PAN3: variants seen among roughly 807,000 people sequenced by gnomAD.
PAN3 encodes the protein PAN2-PAN3 deadenylation complex subunit PAN3.
A neutral mutation model predicts 96.2 loss-of-function variants in PAN3; 19 were observed. That is an observed-to-expected ratio of 0.20 (90% CI 0.14 to 0.29). The LOEUF (loss-of-function observed/expected upper bound fraction) is 0.29, where lower values mean the gene tolerates loss of function less well. Ranked by LOEUF, PAN3 falls within the 10% of genes least tolerant of loss-of-function variation. PAN3 has a pLI of 1.00. For missense variants in PAN3, 882 were observed against 1,108.1 expected, an observed-to-expected ratio of 0.80 and a Z score of 2.90; for synonymous variants, 433 against 406.6, an observed-to-expected ratio of 1.06 and a Z score of -0.78.
chr13:28,221,474 T>C (rs1279745630), intron 6 of PAN3, among the ~76,000 whole-genome samples: 1 of 152,146 alleles, frequency 6.6e-6, no homozygotes, highest in Non-Finnish European at 1.5e-5. Context: ...AAATCGTTGA[T>C]TTAAATACTC....
At chr13:28,270,248 A>G (rs1300942809) in intron 12 of PAN3, among the ~76,000 whole-genome samples, 2 of 152,214 alleles carry the variant, frequency 1.3e-5, no homozygotes, top group Non-Finnish European at 2.9e-5. Context: ...AAGGAAAACA[A>G]ACATTCAACA....
At chr13:28,280,265 TAAG>T (rs1216731417) in intron 15 of PAN3, 144 bp from the exon 16 acceptor site, 11 of 921,426 alleles carry the variant, frequency 1.2e-5, no homozygotes, top group Non-Finnish European at 1.7e-5. Context: ...ATGTAATATT[TAAG>T]AATGAACTTG....
chr13:28,142,362 C>G (rs895941939), intron 1 of PAN3, among the ~76,000 whole-genome samples: 1 of 152,054 alleles, frequency 6.6e-6, no homozygotes. Flanking sequence ...GAGATGATGT[C>G]TTGCTGTGTT....
chr13:28,184,861 A>G (rs759072314), intron 4 of PAN3, among the ~76,000 whole-genome samples: 1 of 152,084 alleles, frequency 6.6e-6, no homozygotes, highest in Non-Finnish European at 1.5e-5. Flanking sequence ...GTCTTTGTAC[A>G]TTAGAGATGT....
chr13:28,140,131 T>C (rs569540725), intron 1 of PAN3, among the ~76,000 whole-genome samples: 77 of 152,286 alleles, frequency 5.1e-4, no homozygotes, highest in African/African-American at 1.8e-3. Context: ...GTAGTTTTAG[T>C]TGAGATAGTA....
At chr13:28,252,158 G>T in intron 6 of PAN3, among the ~76,000 whole-genome samples, 1 of 149,396 alleles carries the variant, frequency 6.7e-6, no homozygotes, top group East Asian at 2.0e-4. Context: ...AAAGTGCTGG[G>T]ATTATATGTG....
At chr13:28,191,355 A>G (rs765105857) in intron 4 of PAN3, among the ~76,000 whole-genome samples, 1 of 152,108 alleles carries the variant, frequency 6.6e-6, no homozygotes, top group Non-Finnish European at 1.5e-5. Context: ...CCTCAAGTTC[A>G]TATCCTTCTT....
chr13:28,182,501 C>T (rs568491479), intron 4 of PAN3, among the ~76,000 whole-genome samples: 6 of 152,136 alleles, frequency 3.9e-5, no homozygotes, highest in African/African-American at 9.6e-5. Context: ...ATTTTTAATA[C>T]GGAGATAACA....
chr13:28,178,438 A>T (rs909823949), intron 4 of PAN3, among the ~76,000 whole-genome samples: 2 of 152,148 alleles, frequency 1.3e-5, no homozygotes, highest in African/African-American at 4.8e-5. Context: ...ATTTAGATTG[A>T]TAGACCATGT....
chr13:28,225,235 A>G (rs1343231697), intron 6 of PAN3, among the ~76,000 whole-genome samples: 1 of 152,162 alleles, frequency 6.6e-6, no homozygotes, highest in Non-Finnish European at 1.5e-5. Flanking sequence ...GGAAAGAAAA[A>G]GGGGAAATTA....
At chr13:28,281,229 A>T in intron 16 of PAN3, 86 bp from the exon 17 acceptor site, 1 of 957,408 alleles carries the variant, frequency 1.0e-6, no homozygotes, top group Non-Finnish European at 1.6e-6. Flanking sequence ...TAATATTGGT[A>T]CAGGTTACCA....
intron 6 of PAN3, among the ~76,000 whole-genome samples, chr13:28,245,761 T>C (rs891334702): frequency 2.6e-5 from 4 of 152,178 alleles, no homozygotes; most frequent in African/African-American, 9.7e-5. Context: ...TTCATATAAA[T>C]AGAATCATAT....
At chr13:28,231,304 C>G (rs1882533534) in intron 6 of PAN3, among the ~76,000 whole-genome samples, 1 of 152,060 alleles carries the variant, frequency 6.6e-6, no homozygotes. Flanking sequence ...GAAGTTATGT[C>G]AAAGGGAAGA....
intron 6 of PAN3, among the ~76,000 whole-genome samples, chr13:28,253,742 T>C (rs1407254132): frequency 6.6e-6 from 1 of 152,104 alleles, no homozygotes; most frequent in Non-Finnish European, 1.5e-5. Flanking sequence ...CCCAGGTAGC[T>C]GGGACTACAG....
intron 4 of PAN3, among the ~76,000 whole-genome samples, chr13:28,188,329 A>G (rs1214010970): frequency 1.3e-5 from 2 of 152,172 alleles, no homozygotes; most frequent in Admixed American, 6.5e-5. Context: ...CATATCTGCA[A>G]TTATAAGAAT....
Position 28,261,387 on chromosome 13 carries a change from A to G in PAN3, c.1354-14A>G. ...TCTGTGTTTAAATAAAAATATACTT[A>G]TTTTGTTTCATAGGAGCTGATCAAC... On this transcript the variant is annotated splice_polypyrimidine_tract_variant and intron_variant, in intron 8 of 18. Coordinates refer to ENST00000380958, the MANE Select transcript of PAN3 (RefSeq NM_175854.8). The G allele has an allele frequency of 1.4e-6, 2 of 1,403,240 alleles. No homozygotes were observed. The highest frequency in any genetic ancestry group is 1.9e-6 in the Non-Finnish European group (2 of 1,070,014). 86.9% of individuals were successfully genotyped at this position (1,403,240 alleles called of 1,614,324 possible).
Position 28,261,409 on chromosome 13 carries a change from C to T in PAN3, c.1362C>T (p.Ile454=), listed in dbSNP as rs1218785698. 2.5e-6 allele frequency: 4 copies of T among 1,605,806 alleles called. No homozygotes were observed. The East Asian group carries it at 6.7e-5, about 27-fold the overall frequency. ...CTTATTTTGTTTCATAGGAGCTGAT[C>T]AACAGACATTTAATAACAATGGCTC... ...FMADELRQEL[I]NRHLITMAQI... The change falls in exon 9 of 19, where the codon ATC becomes ATT. Residue 454 remains isoleucine, a synonymous_variant. Transcript: ENST00000380958.
chr13:28,197,245 C>T lies in PAN3; in HGVS notation c.751C>T (p.Arg251Ter), dbSNP rs1046222455. ...GCTAGTTCCGATGGGATCAAAGGCA[C>T]GAAAAGCAAAGAACCCTATTGGCTG... ...ERLVPMGSKA[R>*]KAKNPIGCLA... is the part of the protein sequence containing the mutation. Residue 251 changes from arginine (R) to a stop codon, truncating the protein, a stop_gained, in exon 5 of 19, where the codon CGA (arginine) becomes TGA (stop). Transcript: ENST00000380958. LOFTEE classifies it high-confidence loss of function. 4 of 1,612,974 alleles carry T rather than the reference C, an allele frequency of 2.5e-6. No individual in the cohort carries two copies. Among genetic ancestry groups the T allele is most frequent in the Admixed American group, 1.7e-5 (1 of 59,896 alleles).
At chr13:28,143,334 G>A (rs76624214) in intron 1 of PAN3, among the ~76,000 whole-genome samples, 2 of 152,196 alleles carry the variant, frequency 1.3e-5, no homozygotes, top group East Asian at 1.9e-4. Context: ...CTGCATTATC[G>A]ATTCTTGACA....
Sources: gnomAD v4.1 joint callset for allele counts (sites outside exome capture counted in the v4.1 genomes callset) on GRCh38, gnomAD v4.1.1 for gene constraint, MANE v1.5 for transcripts, NCBI Gene and HGNC (gene_info 2026-07-23, HGNC 2026-07-21) for gene names.